EXOC5: variants seen among roughly 807,000 people sequenced by gnomAD.
EXOC5 encodes the protein SEC10-like 1.
In EXOC5, 17 loss-of-function variants were observed where a neutral mutation model predicts 90.8. That is an observed-to-expected ratio of 0.19 (90% CI 0.13 to 0.28). EXOC5 has a LOEUF of 0.28. EXOC5 is among the 10% of genes least tolerant of loss of function. The probability of loss-of-function intolerance (pLI) is 1.00; values close to 1 mark genes in which losing one functional copy is unlikely to be tolerated. For synonymous variants in EXOC5, 260 were observed against 270.0 expected (o/e 0.96, Z 0.36); for missense variants, 569 against 830.6 (o/e 0.69, Z 3.87).
At chr14:57,218,202 A>C (rs1883027612) in intron 14 of EXOC5, 134 bp from the exon 15 acceptor site, 1 of 483,314 alleles carries the variant, frequency 2.1e-6, no homozygotes, top group East Asian at 3.5e-5. Context: ...TATTGTTAAC[A>C]AATCCAAGAA....
intron 4 of EXOC5, among the ~76,000 whole-genome samples, chr14:57,240,851 T>G (rs1488584362): frequency 2.6e-5 from 4 of 152,134 alleles, no homozygotes; most frequent in African/African-American, 9.7e-5. Context: ...TATAGATTTT[T>G]TTTATTTTCT....
At chr14:57,246,576 C>A (rs981316316) in intron 3 of EXOC5, 135 bp downstream of exon 3, 1 of 757,566 alleles carries the variant, frequency 1.3e-6, no homozygotes, top group Non-Finnish European at 2.2e-6. Context: ...CATTTTACCC[C>A]ATGGGACTAA....
At chr14:57,260,938 A>G (rs1343711612) in intron 1 of EXOC5, among the ~76,000 whole-genome samples, 1 of 152,224 alleles carries the variant, frequency 6.6e-6, no homozygotes, top group Non-Finnish European at 1.5e-5. Context: ...AAATATTCTT[A>G]CAGGCATTTA....
chr14:57,208,743 C>T lies in EXOC5; in HGVS notation c.1993G>A (p.Val665Ile), dbSNP rs776921802. 1.2e-6 allele frequency: 2 copies of T among 1,610,616 alleles called. No individual in the cohort carries two copies. Among genetic ancestry groups the T allele is most frequent in the African/African-American group, 2.7e-5 (2 of 74,804 alleles). Residue 665 changes from valine to isoleucine, a missense_variant, in exon 18 of 18, where the codon GTA becomes ATA. Physicochemically the swap from Val to Ile is conservative, Grantham distance 29. Around this residue, in one of 9 missense-constraint regions of EXOC5, gnomAD observed 122 missense variants for 180.0 expected, o/e 0.68. Coordinates refer to ENST00000621441, the MANE Select transcript of EXOC5 (RefSeq NM_006544.4). ...TGCTTTAAATTATCTGGGGCAACTA[C>T]CAGAAGATTGCAAAGAGCATGCAGA... ...DTLHALCNLL[V>I]VAPDNLKQVC... is the part of the protein sequence containing the mutation.
intron 6 of EXOC5, among the ~76,000 whole-genome samples, chr14:57,236,793 T>C (rs185259801): frequency 1.5e-3 from 229 of 152,196 alleles, no homozygotes; most frequent in African/African-American, 5.1e-3. Context: ...AACCTGCAAA[T>C]TTAGTGGTCT....
In EXOC5 at chr14:57,268,784, C is replaced by A; in HGVS notation, c.-136G>T. The A allele has an allele frequency of 7.0e-7, 1 of 1,432,268 alleles. No individual in the cohort carries two copies. The highest frequency in any genetic ancestry group is 9.1e-7 in the Non-Finnish European group (1 of 1,099,968). 88.7% of individuals were successfully genotyped at this position (1,432,268 alleles called of 1,614,324 possible). ...GGCCGCTGCGGGCTCCCCAGCTCCC[C>A]ACAGATCCCAGGAGGGGCGGGAGAG... On this transcript the variant is annotated 5_prime_UTR_variant, in exon 1 of 18. Transcript: ENST00000621441.
At chr14:57,235,498 ATAT>A in intron 7 of EXOC5, among the ~76,000 whole-genome samples, 1 of 151,624 alleles carries the variant, frequency 6.6e-6, no homozygotes, top group East Asian at 1.9e-4. Context: ...TTTTAATTCA[ATAT>A]TAATATTATT....
chr14:57,217,526 C>A lies in EXOC5; in HGVS notation c.1613+456G>T, dbSNP rs991349394. 2.2e-4 allele frequency among the ~76,000 whole-genome samples: 34 copies of A among 152,136 alleles called. 1 individual carries two copies. The highest frequency in any genetic ancestry group is 8.2e-4 in the African/African-American group (34 of 41,504). On this transcript the variant is annotated intron_variant, in intron 15 of 17. Transcript: ENST00000621441. ...ATTTTAATTGTTTTGGGGTACCATA[C>A]CCATATAAGACAGTGAACCTAATTG...
intron 4 of EXOC5, among the ~76,000 whole-genome samples, chr14:57,240,846 A>AT (rs1270817484): frequency 1.3e-5 from 2 of 151,800 alleles, no homozygotes; most frequent in African/African-American, 2.4e-5. Context: ...ATCAATATAG[A>AT]TTTTTTTTAT....
Position 57,203,447 on chromosome 14 carries a change from C to T in EXOC5, c.*5162G>A, listed in dbSNP as rs1478039553. 2 of 152,360 alleles carry T rather than the reference C, an allele frequency of 1.3e-5. No individual in the cohort carries two copies. The highest frequency in any genetic ancestry group is 2.4e-5 in the African/African-American group (1 of 41,432). 9.4% of individuals were successfully genotyped at this position (152,360 alleles called of 1,614,324 possible). ...GACTAATTCCTTTGTTAGTTCTATC[C>T]AAACTTCACTTAGTTTATTAACATA... On this transcript the variant is annotated 3_prime_UTR_variant, in exon 18 of 18. Transcript: ENST00000621441.
In EXOC5 at chr14:57,200,716, AC is replaced by A. The variant is rs1414289834; in HGVS notation, c.*7892del. 6.7e-6 allele frequency: 1 copy of A among 149,626 alleles called. No homozygotes were observed. The highest frequency in any genetic ancestry group is 2.5e-5 in the African/African-American group (1 of 40,496). The allele number at this position is 149,626 out of a possible 1,614,324, so 9.3% of individuals were successfully genotyped here. On this transcript the variant is annotated 3_prime_UTR_variant, in exon 18 of 18. Transcript: ENST00000621441. The stretch of plus-strand genomic sequence containing the variant: ...TTCTGTGTCTTGGGCATAACACTTT[AC>A]CCCCTCCTCAATTCAGCTTTACTAA...
intron 3 of EXOC5, among the ~76,000 whole-genome samples, chr14:57,245,818 C>T (rs994640323): frequency 6.6e-6 from 1 of 151,958 alleles, no homozygotes; most frequent in Non-Finnish European, 1.5e-5. Context: ...TTTGGGAGGC[C>T]GAGGCAGGCG....
In EXOC5 at chr14:57,216,520, C is replaced by T. The variant is rs369386863; in HGVS notation, c.1613+1462G>A. 8.6e-5 allele frequency among the ~76,000 whole-genome samples: 13 copies of T among 152,026 alleles called. No homozygotes were observed. In the South Asian group the frequency reaches 2.5e-3, roughly 29 times the overall value. On this transcript the variant is annotated intron_variant, in intron 15 of 17. Coordinates refer to ENST00000621441, the MANE Select transcript of EXOC5 (RefSeq NM_006544.4). The stretch of plus-strand genomic sequence containing the variant: ...GGTCAACTGCTCTTTAACAAGGGTG[C>T]CAAGAACACACAATAGGGAAAGGAT...
chr14:57,252,020 A>T (rs184577647), intron 1 of EXOC5, among the ~76,000 whole-genome samples: 66 of 152,342 alleles, frequency 4.3e-4, no homozygotes, highest in African/African-American at 1.5e-3. Context: ...AAAAACAGAT[A>T]ATATGAATAC....
At chr14:57,256,949 A>C (rs187415188) in intron 1 of EXOC5, among the ~76,000 whole-genome samples, 2 of 152,206 alleles carry the variant, frequency 1.3e-5, no homozygotes, top group Admixed American at 6.5e-5. Flanking sequence ...GCCCCTCATA[A>C]ATGTTCATCC....
At chr14:57,241,051 G>A (rs1265206752) in intron 4 of EXOC5, among the ~76,000 whole-genome samples, 3 of 151,638 alleles carry the variant, frequency 2.0e-5, no homozygotes, top group South Asian at 2.1e-4. Context: ...ACGGGGTTTC[G>A]CCATGTTAGC....
At chr14:57,228,550 T>G (rs1304404435) in intron 12 of EXOC5, among the ~76,000 whole-genome samples, 1 of 152,154 alleles carries the variant, frequency 6.6e-6, no homozygotes, top group African/African-American at 2.4e-5. Flanking sequence ...TCATGTCCTT[T>G]GCAGGGACAC....
Position 57,268,799 on chromosome 14 carries a change from G to T in EXOC5, c.-151C>A. Reference sequence around the variant, plus strand: ...CCCAGCTCCCCACAGATCCCAGGAGGGGCGGGAGAGCGGCCATGAAGCGAA... The same window carrying T: ...CCCAGCTCCCCACAGATCCCAGGAGTGGCGGGAGAGCGGCCATGAAGCGAA... On this transcript the variant is annotated 5_prime_UTR_variant, in exon 1 of 18. Transcript: ENST00000621441. 1 of 1,406,542 alleles carries T rather than the reference G, an allele frequency of 7.1e-7. No individual in the cohort carries two copies. Among genetic ancestry groups the T allele is most frequent in the East Asian group, 2.8e-5 (1 of 35,540 alleles). The allele number at this position is 1,406,542 out of a possible 1,614,324, so 87.1% of individuals were successfully genotyped here.
At position 57,208,673 on chromosome 14, in the gene EXOC5, A is replaced by G; in HGVS notation, c.2063T>C (p.Leu688Pro). 1.9e-6 allele frequency: 3 copies of G among 1,612,196 alleles called. No individual in the cohort carries two copies. Among genetic ancestry groups the G allele is most frequent in the South Asian group, 1.1e-5 (1 of 90,982 alleles). The change falls in exon 18 of 18, where the codon CTT (leucine) becomes CCT (proline). Residue 688 changes from leucine (L) to proline (P), a missense_variant. Coordinates refer to ENST00000621441, the MANE Select transcript of EXOC5 (RefSeq NM_006544.4). ...AGCACGAAGTTGTACGAAGGAGTGA[A>G]GTATATTCTTGTCCAGATTAGCAAG... ...EQLANLDKNI[L>P]HSFVQLRADY...
Sources: allele counts gnomAD v4.1 joint callset (sites outside exome capture counted in the v4.1 genomes callset), GRCh38; gene constraint gnomAD v4.1.1; regional missense constraint gnomAD v4.1.1; transcripts MANE v1.5; gene names NCBI Gene and HGNC (gene_info 2026-07-23, HGNC 2026-07-21).